The following FCGR2B variants were observed in gnomAD, a reference collection of about 807,000 sequenced individuals.
FCGR2B encodes the protein Fc gamma receptor IIb.
A neutral mutation model predicts 24.8 loss-of-function variants in FCGR2B; 18 were observed. The observed-to-expected ratio is 0.73, with a 90% CI of 0.50 to 1.08. The LOEUF is 1.08. Ranked by LOEUF, FCGR2B falls within the 50% of genes least tolerant of loss-of-function variation. The probability of loss-of-function intolerance (pLI) is 0.00; values close to 1 mark genes in which losing one functional copy is unlikely to be tolerated. For missense variants in FCGR2B, 215 were observed against 297.6 expected (o/e 0.72, Z 2.04); for synonymous variants, 79 against 109.8 (o/e 0.72, Z 1.75).
At chr1:161,677,157 A>G (rs530141178) in intron 6 of FCGR2B, 171 bp from the exon 7 acceptor site, 1 of 681,522 alleles carries the variant, frequency 1.5e-6, no homozygotes, top group Non-Finnish European at 2.6e-6. Context: ...TACCCTATGC[A>G]TCGATCAATG....
the FCGR2B span, among the ~76,000 whole-genome samples, chr1:161,652,045 A>AGTGTGTGTGTGTGT: frequency 1.5e-4 from 16 of 104,580 alleles, no homozygotes; most frequent in Non-Finnish European, 2.6e-4. Context: ...TATGTTTAGG[A>AGTGTGTGTGTGTGT]GTGTGTGTGT....
chr1:161,677,083 G>C, intron 6 of FCGR2B: 1 of 525,006 alleles, frequency 1.9e-6, no homozygotes, highest in Non-Finnish European at 3.3e-6. Context: ...TCCCTGAAAA[G>C]AATGCAGCTC....
At chr1:161,647,741 G>C in the FCGR2B span, among the ~76,000 whole-genome samples, 1 of 150,898 alleles carries the variant, frequency 6.6e-6, no homozygotes, top group African/African-American at 2.4e-5. Context: ...GTCCACTTTT[G>C]TTTCAACAGA....
At chr1:161,652,910 C>T in the FCGR2B span, among the ~76,000 whole-genome samples, 1 of 134,040 alleles carries the variant, frequency 7.5e-6, no homozygotes, top group Non-Finnish European at 1.7e-5. Flanking sequence ...CAAGAGACAC[C>T]GGTATTCCCG....
intron 3 of FCGR2B, chr1:161,672,473 A>G (rs1557900447): frequency 5.7e-6 from 1 of 174,514 alleles, no homozygotes; most frequent in Admixed American, 5.4e-5. Context: ...CCCGAAGTAA[A>G]TTTATCAGGT....
intron 3 of FCGR2B, chr1:161,672,617 T>G: frequency 2.7e-6 from 1 of 369,418 alleles, no homozygotes; most frequent in Non-Finnish European, 4.9e-6. Context: ...AGAGATGGCA[T>G]CTTAGGGTCT....
chr1:161,673,484 G>A, intron 4 of FCGR2B: 1 of 722,734 alleles, frequency 1.4e-6, no homozygotes, highest in South Asian at 1.4e-5. Context: ...AAGGACGGCA[G>A]CGAAGCAGAG....
chr1:161,672,598 C>T lies in FCGR2B; in HGVS notation c.392-377C>T, dbSNP rs987053735. 1.5e-5 allele frequency: 5 copies of T among 332,202 alleles called. No individual in the cohort carries two copies. In the Admixed American group the frequency reaches 1.9e-4, roughly 12 times the overall value. 20.6% of individuals were successfully genotyped at this position (332,202 alleles called of 1,614,324 possible). A position where few individuals can be genotyped will look rare whatever the true frequency, so the allele number is the denominator to read the frequency against. Reference sequence around the variant, plus strand: ...CACACTGGATTCTTCCTTCCCTCCTCGACATGGAAGAGATGGCATCTTAGG... The same window carrying T: ...CACACTGGATTCTTCCTTCCCTCCTTGACATGGAAGAGATGGCATCTTAGG... On this transcript the variant is annotated intron_variant, in intron 3 of 7. Transcript: ENST00000358671.
chr1:161,674,386 G>T (rs1681942506), intron 5 of FCGR2B: 3 of 359,188 alleles, frequency 8.4e-6, no homozygotes, highest in Middle Eastern at 9.9e-4. Context: ...CAATGATAGG[G>T]ACATGAAAAG....
intron 6 of FCGR2B, chr1:161,676,598 C>T (rs987703837): frequency 1.3e-5 from 2 of 158,264 alleles, no homozygotes; most frequent in African/African-American, 4.8e-5. Flanking sequence ...CGGTTTACTG[C>T]AGAATTTACA....
chr1:161,676,079 C>G, intron 6 of FCGR2B: 1 of 231,234 alleles, frequency 4.3e-6, no homozygotes, highest in Non-Finnish European at 8.6e-6. Flanking sequence ...AAGCCCTGGC[C>G]CAGGTGGGAG....
chr1:161,677,564 C>T lies in FCGR2B; in HGVS notation c.*11C>T. 2.5e-6 allele frequency: 4 copies of T among 1,592,420 alleles called. No homozygotes were observed. Among genetic ancestry groups the T allele is most frequent in the Non-Finnish European group, 3.4e-6 (4 of 1,162,828 alleles). On this transcript the variant is annotated 3_prime_UTR_variant, in exon 8 of 8. Coordinates refer to ENST00000358671, the MANE Select transcript of FCGR2B (RefSeq NM_001394477.1). The stretch of plus-strand genomic sequence containing the variant: ...CAGAACCGTATTTAGTCTCCATTGT[C>T]TTGCATTGGGATTTGAGAAGAAAAT...
chr1:161,649,019 G>A, the FCGR2B span, among the ~76,000 whole-genome samples: 2 of 150,826 alleles, frequency 1.3e-5, no homozygotes, highest in Non-Finnish European at 2.9e-5. Context: ...CAGTTATGAA[G>A]GTCACTGAAG....
chr1:161,675,045 C>A (rs1681994202), intron 5 of FCGR2B: 2 of 526,730 alleles, frequency 3.8e-6, no homozygotes, highest in South Asian at 5.8e-5. Flanking sequence ...CACTCCTGGG[C>A]ATCCCCATGG....
the FCGR2B span, among the ~76,000 whole-genome samples, chr1:161,648,140 A>G: frequency 1.3e-5 from 2 of 149,586 alleles, no homozygotes; most frequent in Non-Finnish European, 3.0e-5. Context: ...ACCGCAATAT[A>G]CCTCAAGACT....
upstream of FCGR2B, among the ~76,000 whole-genome samples, chr1:161,661,099 G>GTA (rs1557894641): frequency 1.2e-4 from 8 of 67,944 alleles, no homozygotes; most frequent in South Asian, 5.5e-4. Context: ...AAAGTAAAAA[G>GTA]AAAGAGAGAC....
the FCGR2B span, among the ~76,000 whole-genome samples, chr1:161,652,436 C>T: frequency 7.5e-6 from 1 of 133,476 alleles, no homozygotes; most frequent in Non-Finnish European, 1.7e-5. Flanking sequence ...TCAAAATTTG[C>T]TAACATTTCC....
intron 6 of FCGR2B, 81 bp from the exon 7 acceptor site, chr1:161,677,247 G>C: frequency 1.4e-6 from 2 of 1,409,482 alleles, no homozygotes; most frequent in Non-Finnish European, 2.0e-6. Flanking sequence ...TTTGGGCGTT[G>C]GTTTTGCAGC....
At chr1:161,669,184 T>C (rs57972357) in intron 1 of FCGR2B, among the ~76,000 whole-genome samples, 2,188 of 141,620 alleles carry the variant, frequency 0.015, 127 homozygotes, top group African/African-American at 0.052. Context: ...ATATTTCTAA[T>C]AGCAAAAATC....
Sources: allele counts gnomAD v4.1 joint callset (sites outside exome capture counted in the v4.1 genomes callset), GRCh38; gene constraint gnomAD v4.1.1; transcripts MANE v1.5; gene names NCBI Gene and HGNC (gene_info 2026-07-23, HGNC 2026-07-21).